The following EEF2K variants were observed in gnomAD, a reference collection of about 807,000 sequenced individuals.
The protein encoded by EEF2K is eukaryotic elongation factor 2 kinase, also known as alternative protein EEF2K.
EEF2K carries 70 observed loss-of-function variants against 93.8 expected under a neutral mutation model. The ratio of observed to expected loss-of-function variants is 0.75; its 90% confidence interval spans 0.62 to 0.91. The LOEUF is 0.91. EEF2K is among the 40% of genes least tolerant of loss of function. The pLI, the probability that EEF2K is intolerant of heterozygous loss-of-function variation, is 0.00. For synonymous variants in EEF2K, 376 were observed against 380.8 expected, an observed-to-expected ratio of 0.99 and a Z score of 0.15; for missense variants, 935 against 972.9, an observed-to-expected ratio of 0.96 and a Z score of 0.52.
At position 22,250,642 on chromosome 16, in the gene EEF2K, G is replaced by A; in HGVS notation, c.409-12G>A. The A allele has an allele frequency of 6.2e-7, 1 of 1,614,182 alleles. No homozygotes were observed. The highest frequency in any genetic ancestry group is 8.5e-7 in the Non-Finnish European group (1 of 1,180,044). ...CATGGGGACTGATAACACTCTGTGT[G>A]GTGTCTTTCAGCCCTTCGGCCGAGG... On this transcript the variant is annotated splice_polypyrimidine_tract_variant and intron_variant, in intron 4 of 17. Coordinates refer to ENST00000263026, the MANE Select transcript of EEF2K (RefSeq NM_013302.5).
intron 1 of EEF2K, among the ~76,000 whole-genome samples, chr16:22,215,577 G>T (rs576653669): frequency 4.6e-5 from 7 of 152,288 alleles, no homozygotes; most frequent in South Asian, 4.1e-4. Context: ...ACACTGATGT[G>T]AACTCTTAGC....
In EEF2K at chr16:22,206,695, G is replaced by A. The variant is rs928209684; in HGVS notation, c.-77+16G>A. ...CCCGAGGGAGGTAGGTGTGGACCGCGGCCGGCAAGGCTGTGGGGGGCTGGG... is the reference window on the plus strand; with the variant it reads ...CCCGAGGGAGGTAGGTGTGGACCGCAGCCGGCAAGGCTGTGGGGGGCTGGG... On this transcript the variant is annotated intron_variant, in intron 1 of 17. Coordinates refer to ENST00000263026, the MANE Select transcript of EEF2K (RefSeq NM_013302.5). 3 of 152,376 alleles carry A rather than the reference G, an allele frequency of 2.0e-5. No individual in the cohort carries two copies. Among genetic ancestry groups the A allele is most frequent in the African/African-American group, 7.2e-5 (3 of 41,396 alleles). 9.4% of individuals were successfully genotyped at this position (152,376 alleles called of 1,614,324 possible).
intron 1 of EEF2K, among the ~76,000 whole-genome samples, chr16:22,222,446 C>A (rs193195377): frequency 1.4e-4 from 22 of 151,834 alleles, no homozygotes; most frequent in Admixed American, 2.6e-4. Context: ...TGGGCTCAAG[C>A]GATCCTCCCA....
At chr16:22,217,286 G>T (rs79424032) in intron 1 of EEF2K, among the ~76,000 whole-genome samples, 13,565 of 151,720 alleles carry the variant, frequency 0.089, 917 homozygotes, top group East Asian at 0.29. Flanking sequence ...GGAAGTAGTT[G>T]CCTCTAGGGT....
In EEF2K at chr16:22,227,055, C is replaced by T. The variant is rs182936441; in HGVS notation, c.246+1080C>T. Among the ~76,000 whole-genome samples the T allele has an allele frequency of 1.2e-3, 177 of 152,108 alleles. 1 individual carries two copies. The highest frequency in any genetic ancestry group is 3.9e-3 in the African/African-American group (160 of 41,542). The stretch of plus-strand genomic sequence containing the variant: ...CTCTACTAAAATACAAAAAATTAGC[C>T]GGGTGTGGTGGCGCACACCTGTAAT... On this transcript the variant is annotated intron_variant, in intron 2 of 17. Coordinates refer to ENST00000263026, the MANE Select transcript of EEF2K (RefSeq NM_013302.5).
At chr16:22,214,942 G>C (rs556563666) in intron 1 of EEF2K, among the ~76,000 whole-genome samples, 6 of 152,326 alleles carry the variant, frequency 3.9e-5, no homozygotes, top group African/African-American at 1.4e-4. Context: ...GGCTTGAGCA[G>C]ATTGCTTACA....
rs1424059423 is a variant in EEF2K at position 22,206,681 on chromosome 16, T to G, written c.-77+2T>G. ...GCCGCGCCTGTCTGCCCGAGGGAGGTAGGTGTGGACCGCGGCCGGCAAGGC... is the reference window on the plus strand; with the variant it reads ...GCCGCGCCTGTCTGCCCGAGGGAGGGAGGTGTGGACCGCGGCCGGCAAGGC... On this transcript the variant is annotated splice_donor_variant, in intron 1 of 17. Coordinates refer to ENST00000263026, the MANE Select transcript of EEF2K (RefSeq NM_013302.5). LOFTEE classifies it low-confidence loss of function (5UTR_SPLICE). The G allele has an allele frequency of 6.6e-6, 1 of 150,556 alleles. No individual in the cohort carries two copies. Among genetic ancestry groups the G allele is most frequent in the Non-Finnish European group, 1.5e-5 (1 of 67,724 alleles). 9.3% of individuals were successfully genotyped at this position (150,556 alleles called of 1,614,324 possible). A position where few individuals can be genotyped will look rare whatever the true frequency, so the allele number is the denominator to read the frequency against.
At chr16:22,273,504 C>T in intron 15 of EEF2K, 122 bp from the exon 16 acceptor site, 1 of 1,450,366 alleles carries the variant, frequency 6.9e-7, no homozygotes, top group Non-Finnish European at 9.3e-7. Context: ...TATCTCACTT[C>T]TATAGCCTCC....
intron 7 of EEF2K, 113 bp from the exon 8 acceptor site, chr16:22,257,140 T>C: frequency 6.5e-7 from 1 of 1,544,502 alleles, no homozygotes; most frequent in Non-Finnish European, 8.8e-7. Flanking sequence ...TGTCTTTTCC[T>C]CTATATAACT....
intron 2 of EEF2K, among the ~76,000 whole-genome samples, chr16:22,242,284 G>A (rs1409549898): frequency 6.6e-6 from 1 of 152,128 alleles, no homozygotes; most frequent in Non-Finnish European, 1.5e-5. Context: ...CAGTGCTGGG[G>A]ATGAGGTGAA....
At position 22,288,329 on chromosome 16, in the gene EEF2K, CAG is replaced by C. The variant is rs1453617480; in HGVS notation, c.*4336_*4337del. On this transcript the variant is annotated 3_prime_UTR_variant, in exon 18 of 18. Transcript: ENST00000263026. ...TTTTTAAAATTATTTTTTGCAGAGA[CAG>C]AGTTTCACTATGTTGCCCAGGCTGG... 2.6e-5 allele frequency: 4 copies of C among 152,276 alleles called. No individual in the cohort carries two copies. Among genetic ancestry groups the C allele is most frequent in the South Asian group, 2.1e-4 (1 of 4,814 alleles). The allele number at this position is 152,276 out of a possible 1,614,324, so 9.4% of individuals were successfully genotyped here. A position where few individuals can be genotyped will look rare whatever the true frequency, so the allele number is the denominator to read the frequency against.
At chr16:22,249,940 C>A (rs923958402) in intron 4 of EEF2K, among the ~76,000 whole-genome samples, 2 of 152,000 alleles carry the variant, frequency 1.3e-5, no homozygotes, top group African/African-American at 4.8e-5. Context: ...CACCATCACG[C>A]CCAGCCAATT....
chr16:22,234,349 G>T (rs1246747524), intron 2 of EEF2K, among the ~76,000 whole-genome samples: 15 of 152,146 alleles, frequency 9.9e-5, no homozygotes, highest in Admixed American at 9.8e-4. Flanking sequence ...CTGAGGTCAG[G>T]AGTTGGAGAC....
chr16:22,238,265 C>T (rs188010740), intron 2 of EEF2K, among the ~76,000 whole-genome samples: 9 of 152,222 alleles, frequency 5.9e-5, no homozygotes, highest in Non-Finnish European at 1.2e-4. Context: ...CCAGCCTGGA[C>T]GACAGAGTGA....
chr16:22,273,604 C>A, intron 15 of EEF2K, 22 bp from the exon 16 acceptor site: 1 of 1,612,902 alleles, frequency 6.2e-7, no homozygotes, highest in Non-Finnish European at 8.5e-7. Context: ...CTTCTTTCTC[C>A]CTCTTTGGTT....
chr16:22,287,652 GAATA>G lies in EEF2K; in HGVS notation c.*3659_*3662del, dbSNP rs2047764649. On this transcript the variant is annotated 3_prime_UTR_variant, in exon 18 of 18. Transcript: ENST00000263026. Reference sequence around the variant, plus strand: ...CCTTTCAGTTTTGCTATAGGCAAGAGAATAAAATGAATGAATGGATAGGTGGCTT... The same window carrying G: ...CCTTTCAGTTTTGCTATAGGCAAGAGAAATGAATGAATGGATAGGTGGCTT... The G allele has an allele frequency of 6.6e-6, 1 of 152,058 alleles. No individual in the cohort carries two copies. Among genetic ancestry groups the G allele is most frequent in the Non-Finnish European group, 1.5e-5 (1 of 68,018 alleles). The allele number at this position is 152,058 out of a possible 1,614,324, so 9.4% of individuals were successfully genotyped here.
At chr16:22,241,100 A>T (rs1366665509) in intron 2 of EEF2K, among the ~76,000 whole-genome samples, 1 of 152,112 alleles carries the variant, frequency 6.6e-6, no homozygotes, top group East Asian at 1.9e-4. Context: ...TTATGTTCAC[A>T]GAGGCATAGG....
At chr16:22,255,184 G>A (rs1184265265) in intron 6 of EEF2K, among the ~76,000 whole-genome samples, 1 of 152,210 alleles carries the variant, frequency 6.6e-6, no homozygotes, top group Non-Finnish European at 1.5e-5. Context: ...GCACAGAGAG[G>A]TGAAATTCAG....
chr16:22,212,559 A>G (rs1037118003), intron 1 of EEF2K, among the ~76,000 whole-genome samples: 2 of 152,024 alleles, frequency 1.3e-5, no homozygotes, highest in African/African-American at 2.4e-5. Context: ...TGACCTCGTG[A>G]TCCGCCTGCC....
Sources: allele counts gnomAD v4.1 joint callset (sites outside exome capture counted in the v4.1 genomes callset), GRCh38; gene constraint gnomAD v4.1.1; transcripts MANE v1.5; gene names NCBI Gene and HGNC (gene_info 2026-07-23, HGNC 2026-07-21).